HAUS5: variants seen among roughly 807,000 people sequenced by gnomAD.
HAUS5 encodes HAUS augmin-like complex subunit 5.
Under a neutral mutation model 94.1 loss-of-function variants are expected in HAUS5, and 67 were observed. That is an observed-to-expected ratio of 0.71 (90% CI 0.58 to 0.87). HAUS5 has a LOEUF of 0.87. HAUS5 is among the 40% of genes least tolerant of loss of function. The probability of loss-of-function intolerance (pLI) is 0.00; values close to 1 mark genes in which losing one functional copy is unlikely to be tolerated. For synonymous variants in HAUS5, 339 were observed against 355.4 expected, an observed-to-expected ratio of 0.95 and a Z score of 0.52; for missense variants, 739 against 825.6, an observed-to-expected ratio of 0.90 and a Z score of 1.29.
rs1258912571 is a variant in HAUS5, at chr19:35,612,862, C to T, written c.68C>T (p.Ala23Val). The stretch of plus-strand genomic sequence containing the variant: ...GTCGAAGAGATGGGGGTGCCCGTGG[C>T]GGCCCGGGCCCCGGAATCGACGCTG... ...WAVEEMGVPV[A>V]ARAPESTLRR... The change falls in exon 1 of 19, where the codon GCG becomes GTG. Residue 23 changes from alanine to valine, a missense_variant. Transcript: ENST00000203166. The T allele has an allele frequency of 1.3e-6, 2 of 1,545,878 alleles. No homozygotes were observed. The highest frequency in any genetic ancestry group is 1.4e-5 in the African/African-American group (1 of 72,604).
chr19:35,620,174 C>T (rs368661435), intron 16 of HAUS5, 21 bp from the exon 17 acceptor site: 556 of 1,611,136 alleles, frequency 3.5e-4, no homozygotes, highest in Non-Finnish European at 4.5e-4. Flanking sequence ...CCCAGGTGAC[C>T]GTCCTTCCCT....
At chr19:35,616,679 G>A (rs533168561) in intron 6 of HAUS5, among the ~76,000 whole-genome samples, 2 of 152,142 alleles carry the variant, frequency 1.3e-5, no homozygotes, top group African/African-American at 4.8e-5. Flanking sequence ...CACTGTGCTC[G>A]ACTAATTTTT....
At chr19:35,616,948 G>T (rs1909964169) in intron 6 of HAUS5, among the ~76,000 whole-genome samples, 176 bp from the exon 7 acceptor site, 1 of 152,244 alleles carries the variant, frequency 6.6e-6, no homozygotes, top group African/African-American at 2.4e-5. Context: ...AGCAAAAGCA[G>T]TGGGGAGGCT....
chr19:35,615,446 C>G lies in HAUS5; in HGVS notation c.485+60C>G, dbSNP rs2146335524. 5 of 1,340,266 alleles carry G rather than the reference C, an allele frequency of 3.7e-6. No homozygotes were observed. The Middle Eastern group carries it at 5.8e-4, about 156-fold the overall frequency. 83.0% of individuals were successfully genotyped at this position (1,340,266 alleles called of 1,614,324 possible). A position where few individuals can be genotyped will look rare whatever the true frequency, so the allele number is the denominator to read the frequency against. ...TGGCCAGACATTCTCTTAGAGACCT[C>G]AGGGCTCTGCCCTGATCCCTTCTTG... On this transcript the variant is annotated intron_variant, in intron 6 of 18. Coordinates refer to ENST00000203166, the MANE Select transcript of HAUS5 (RefSeq NM_015302.2).
intron 1 of HAUS5, 154 bp from the exon 2 acceptor site, chr19:35,613,576 A>T: frequency 1.6e-6 from 1 of 608,460 alleles, no homozygotes; most frequent in East Asian, 2.8e-5. Context: ...CTCTTAAAAA[A>T]AAAAAAAAAA....
In HAUS5 at chr19:35,619,626, T is replaced by C; in HGVS notation, c.1274T>C (p.Val425Ala). The C allele has an allele frequency of 8.0e-7, 1 of 1,247,242 alleles. No homozygotes were observed. The highest frequency in any genetic ancestry group is 1.1e-6 in the Non-Finnish European group (1 of 923,886). 77.3% of individuals were successfully genotyped at this position (1,247,242 alleles called of 1,614,324 possible). A position where few individuals can be genotyped will look rare whatever the true frequency, so the allele number is the denominator to read the frequency against. ...CRSPGEVLALVQRKVVPTFEA... is the reference protein window; with the variant it reads ...CRSPGEVLALAQRKVVPTFEA... ...CCTTCCCCACAGGTGCTAGCTCTGG[T>C]CCAGCGAAAGGTGGTCCCTACATTT... Residue 425 changes from valine (V) to alanine (A), a missense_variant, in exon 15 of 19, where the codon GTC becomes GCC. Val to Ala is a moderately conservative substitution (Grantham distance 64). Coordinates refer to ENST00000203166, the MANE Select transcript of HAUS5 (RefSeq NM_015302.2).
chr19:35,615,504 T>G, intron 6 of HAUS5, 118 bp downstream of exon 6: 1 of 776,496 alleles, frequency 1.3e-6, no homozygotes. Context: ...TAGGATGGAA[T>G]GTCCATGAGG....
At chr19:35,613,657 C>G in intron 1 of HAUS5, 73 bp from the exon 2 acceptor site, 1 of 1,391,246 alleles carries the variant, frequency 7.2e-7, no homozygotes. Context: ...CTCCCTACCA[C>G]CATCACCCTA....
At chr19:35,614,538 C>T (rs559335057) in intron 4 of HAUS5, among the ~76,000 whole-genome samples, 6 of 152,196 alleles carry the variant, frequency 3.9e-5, no homozygotes, top group East Asian at 1.9e-4. Context: ...GAGCTGAGAT[C>T]GCACTACTGC....
Position 35,618,451 on chromosome 19 carries a change from G to T in HAUS5, c.871G>T (p.Val291Phe). The change falls in exon 11 of 19, where the codon GTT becomes TTT. Residue 291 changes from valine to phenylalanine, a missense_variant. By Grantham distance (50) the Val-to-Phe change is conservative. Coordinates refer to ENST00000203166, the MANE Select transcript of HAUS5 (RefSeq NM_015302.2). ...SDSSQTLPSM[V>F]HLIQEGWRTV... ...CTCCAGCCAGACCCTGCCGTCCATG[G>T]TTCATCTCATCCAGGTGACCCCAGG... 12 of 1,614,072 alleles carry T rather than the reference G, an allele frequency of 7.4e-6. No homozygotes were observed. The highest frequency in any genetic ancestry group is 1.0e-5 in the Non-Finnish European group (12 of 1,179,972).
At position 35,625,150 on chromosome 19, in the gene HAUS5, A is replaced by G. The variant is rs559915769; in HGVS notation, c.*2157A>G. 1 of 152,228 alleles carries G rather than the reference A, an allele frequency of 6.6e-6. No homozygotes were observed. The highest frequency in any genetic ancestry group is 1.5e-5 in the Non-Finnish European group (1 of 68,040). 9.4% of individuals were successfully genotyped at this position (152,228 alleles called of 1,614,324 possible). On this transcript the variant is annotated 3_prime_UTR_variant, in exon 19 of 19. Coordinates refer to ENST00000203166, the MANE Select transcript of HAUS5 (RefSeq NM_015302.2). ...ACTGGCATTTTTATTTTGATAAAAT[A>G]GACCGTTTAAATTTTTGAGATTCTA...
intron 10 of HAUS5, 34 bp from the exon 11 acceptor site, chr19:35,618,368 C>T (rs777107012): frequency 1.2e-6 from 2 of 1,610,632 alleles, no homozygotes; most frequent in Admixed American, 1.7e-5. Flanking sequence ...AAGGCCGCAG[C>T]ACGGCTCCCT....
At chr19:35,622,527 A>C (rs1967225540) in intron 17 of HAUS5, 74 bp from the exon 18 acceptor site, 2 of 1,502,720 alleles carry the variant, frequency 1.3e-6, no homozygotes, top group Non-Finnish European at 1.8e-6. Context: ...GGACTGGAGA[A>C]TTGGGGACTC....
intron 12 of HAUS5, 27 bp from the exon 13 acceptor site, chr19:35,618,860 C>T: frequency 6.3e-7 from 1 of 1,581,212 alleles, no homozygotes; most frequent in South Asian, 1.2e-5. Flanking sequence ...CCCTTCTCTC[C>T]TTTGCTCTCC....
intron 13 of HAUS5, 98 bp from the exon 14 acceptor site, chr19:35,619,326 C>G: frequency 1.0e-6 from 1 of 980,112 alleles, no homozygotes; most frequent in South Asian, 1.6e-5. Context: ...AGGCAAGAGC[C>G]CAGGTGAGAC....
chr19:35,612,772 G>C lies in HAUS5; in HGVS notation c.-23G>C, dbSNP rs896742803. The C allele has an allele frequency of 1.3e-6, 2 of 1,531,294 alleles. No individual in the cohort carries two copies. Among genetic ancestry groups the C allele is most frequent in the Non-Finnish European group, 1.8e-6 (2 of 1,136,522 alleles). The allele number at this position is 1,531,294 out of a possible 1,614,324, so 94.9% of individuals were successfully genotyped here. ...CACACTTGAAGAGGCTGAGGGAGGC[G>C]GTGTCGCCGCCGCGGCGCTGTCATG... On this transcript the variant is annotated 5_prime_UTR_variant, in exon 1 of 19. Coordinates refer to ENST00000203166, the MANE Select transcript of HAUS5 (RefSeq NM_015302.2).
At chr19:35,621,977 C>A (rs1355040514) in intron 17 of HAUS5, among the ~76,000 whole-genome samples, 2 of 152,160 alleles carry the variant, frequency 1.3e-5, no homozygotes, top group Non-Finnish European at 2.9e-5. Flanking sequence ...GAAAGCACCG[C>A]TAGGGTGAAG....
At chr19:35,621,134 G>A (rs1323993433) in intron 17 of HAUS5, among the ~76,000 whole-genome samples, 1 of 152,194 alleles carries the variant, frequency 6.6e-6, no homozygotes, top group Non-Finnish European at 1.5e-5. Flanking sequence ...TGGAAGAGGA[G>A]AATTGATGAG....
rs955950048 is a variant in HAUS5 at position 35,612,858 on chromosome 19, G to T, written c.64G>T (p.Val22Leu). Reference sequence around the variant, plus strand: ...GGCGGTCGAAGAGATGGGGGTGCCCGTGGCGGCCCGGGCCCCGGAATCGAC... The same window carrying T: ...GGCGGTCGAAGAGATGGGGGTGCCCTTGGCGGCCCGGGCCCCGGAATCGAC... ...CWAVEEMGVP[V>L]AARAPESTLR... is the part of the protein sequence containing the mutation. Residue 22 changes from valine to leucine, a missense_variant, in exon 1 of 19, where the codon GTG (valine) becomes TTG (leucine). Val to Leu is a conservative substitution (Grantham distance 32). Transcript: ENST00000203166. The T allele has an allele frequency of 2.6e-6, 4 of 1,547,014 alleles. No individual in the cohort carries two copies. The highest frequency in any genetic ancestry group is 5.0e-5 in the East Asian group (2 of 40,310).
Sources: gnomAD v4.1 joint callset for allele counts (sites outside exome capture counted in the v4.1 genomes callset) on GRCh38, gnomAD v4.1.1 for gene constraint, MANE v1.5 for transcripts, NCBI Gene and HGNC (gene_info 2026-07-23, HGNC 2026-07-21) for gene names.